Variants in CACNA1A observed in about 807,000 individuals in gnomAD.
CACNA1A encodes the protein calcium voltage-gated channel subunit alpha1 A.
A neutral mutation model predicts 262.4 loss-of-function variants in CACNA1A; 57 were observed. The observed-to-expected ratio is 0.22, with a 90% CI of 0.18 to 0.27. The LOEUF (loss-of-function observed/expected upper bound fraction) is 0.27. Ranked by LOEUF, CACNA1A falls within the 10% of genes least tolerant of loss-of-function variation. The pLI, the probability that CACNA1A is intolerant of heterozygous loss-of-function variation, is 1.00. For missense variants in CACNA1A, 2,526 were observed against 3,562.8 expected, an observed-to-expected ratio of 0.71 and a Z score of 7.41; for synonymous variants, 1,431 against 1,419.3, an observed-to-expected ratio of 1.01 and a Z score of -0.18.
chr19:13,245,556 T>G, intron 30 of CACNA1A: 1 of 409,248 alleles, frequency 2.4e-6, no homozygotes. Flanking sequence ...GGCCTGTCTC[T>G]CCAGCATTTT....
At chr19:13,438,438 G>T (rs1453346670) in intron 3 of CACNA1A, among the ~76,000 whole-genome samples, 1 of 152,228 alleles carries the variant, frequency 6.6e-6, no homozygotes, top group Non-Finnish European at 1.5e-5. Flanking sequence ...GCTGCCACGT[G>T]AACTAGCTCA....
intron 1 of CACNA1A, among the ~76,000 whole-genome samples, chr19:13,464,255 C>A (rs546495895): frequency 1.3e-5 from 2 of 152,176 alleles, no homozygotes; most frequent in Non-Finnish European, 2.9e-5. Flanking sequence ...GAAAACTAGC[C>A]AGGCATGTTG....
rs372275167 is a variant in CACNA1A, at chr19:13,317,122, G to A, written c.1545C>T (p.Ser515=). 118 of 1,605,124 alleles carry A rather than the reference G, an allele frequency of 7.4e-5. No individual in the cohort carries two copies. The East Asian group carries it at 1.1e-3, about 16-fold the overall frequency. The change falls in exon 11 of 47, where the codon TCC becomes TCT. Residue 515 remains serine, a synonymous_variant. Coordinates refer to ENST00000360228, the MANE Select transcript of CACNA1A (RefSeq NM_001127222.2). ...IVHYNQPEWL[S]DFLYYAEFIF... Reference sequence around the variant, plus strand: ...CTGGGTGATACTCACAAAGGAAGTCGGAGAGCCACTCGGGCTGGTTGTAGT... The same window carrying A: ...CTGGGTGATACTCACAAAGGAAGTCAGAGAGCCACTCGGGCTGGTTGTAGT...
intron 24 of CACNA1A, among the ~76,000 whole-genome samples, chr19:13,268,072 G>A (rs1181709873): frequency 6.6e-6 from 1 of 152,006 alleles, no homozygotes; most frequent in Non-Finnish European, 1.5e-5. Context: ...GCAAGACTCT[G>A]TCTCTTAAAA....
chr19:13,334,863 A>G (rs2058536250), intron 7 of CACNA1A, among the ~76,000 whole-genome samples: 1 of 151,856 alleles, frequency 6.6e-6, no homozygotes, highest in Non-Finnish European at 1.5e-5. Flanking sequence ...AGTGGGCCCC[A>G]TCTCTATGAA....
Position 13,207,780 on chromosome 19 carries a change from C to A in CACNA1A, c.7054G>T (p.Asp2352Tyr). The A allele has an allele frequency of 7.2e-7, 1 of 1,389,542 alleles. No homozygotes were observed. Among genetic ancestry groups the A allele is most frequent in the Non-Finnish European group, 9.3e-7 (1 of 1,079,984 alleles). The allele number at this position is 1,389,542 out of a possible 1,614,324, so 86.1% of individuals were successfully genotyped here. ...CTGTGGCCCCCCGTGGGCGGCCGAT[C>A]TCCGGCCAGAGGCTCGGCCGTGGGG... Reference protein sequence around the residue: ...PGPTAEPLAGDRPPTGGHSSG... With the variant: ...PGPTAEPLAGYRPPTGGHSSG... Residue 2352 changes from aspartate to tyrosine, a missense_variant, in exon 47 of 47, where the codon GAT (aspartate) becomes TAT (tyrosine). Physicochemically the swap from Asp to Tyr is radical, Grantham distance 160 (BLOSUM62 -3). This residue lies in a region of CACNA1A where 929 missense variants were observed against 868.1 expected (regional missense o/e 1.07). Transcript: ENST00000360228. This position sits in a 1 kb window ranked among gnomAD's most constrained non-coding sequence, Gnocchi z 5.7.
intron 3 of CACNA1A, among the ~76,000 whole-genome samples, chr19:13,412,005 C>T (rs934087495): frequency 1.3e-5 from 2 of 150,328 alleles, no homozygotes; most frequent in African/African-American, 2.5e-5. Context: ...TGTGACCCAC[C>T]GTGCCTGGCC....
chr19:13,393,792 T>TC, intron 3 of CACNA1A, among the ~76,000 whole-genome samples: 1 of 93,430 alleles, frequency 1.1e-5, no homozygotes, highest in Non-Finnish European at 2.3e-5. Context: ...CTTCCTTCCT[T>TC]CCTTCCCTCC....
intron 22 of CACNA1A, among the ~76,000 whole-genome samples, chr19:13,278,989 T>C (rs1292516040): frequency 1.3e-5 from 2 of 152,050 alleles, no homozygotes; most frequent in Admixed American, 1.3e-4. Context: ...GGGCACAGCC[T>C]GGTCAAAGGC....
intron 36 of CACNA1A, chr19:13,228,894 G>T: frequency 1.7e-6 from 1 of 594,542 alleles, no homozygotes; most frequent in Non-Finnish European, 3.0e-6. Flanking sequence ...GGTGTCCCTG[G>T]CTTGAAGGAG....
At chr19:13,478,565 C>A (rs937330330) in intron 1 of CACNA1A, among the ~76,000 whole-genome samples, 1 of 152,176 alleles carries the variant, frequency 6.6e-6, no homozygotes, top group African/African-American at 2.4e-5. Context: ...GATCCTCCTA[C>A]CTCGGCTTCC....
intron 22 of CACNA1A, among the ~76,000 whole-genome samples, chr19:13,281,784 T>A (rs2057298895): frequency 6.6e-6 from 1 of 152,180 alleles, no homozygotes; most frequent in African/African-American, 2.4e-5. Context: ...AGTGTTCTTG[T>A]AGAGAAGTTT....
chr19:13,275,163 A>C (rs1213626140), intron 24 of CACNA1A: 1 of 151,808 alleles, frequency 6.6e-6, no homozygotes, highest in Non-Finnish European at 1.5e-5. Context: ...ACCATCTAAG[A>C]ATGACCACCC....
At chr19:13,448,212 C>T (rs752249224) in intron 3 of CACNA1A, among the ~76,000 whole-genome samples, 2 of 152,120 alleles carry the variant, frequency 1.3e-5, no homozygotes, top group Admixed American at 6.5e-5. Context: ...TGCAGGAACA[C>T]GGACGGAGCT....
At chr19:13,431,608 T>C (rs1408049258) in intron 3 of CACNA1A, among the ~76,000 whole-genome samples, 2 of 152,076 alleles carry the variant, frequency 1.3e-5, no homozygotes, top group African/African-American at 2.4e-5. Context: ...ATAGCCAAGA[T>C]GCAGGTACAA....
chr19:13,438,218 CACAG>C (rs2060647648), intron 3 of CACNA1A, among the ~76,000 whole-genome samples: 1 of 152,192 alleles, frequency 6.6e-6, no homozygotes, highest in Non-Finnish European at 1.5e-5. Flanking sequence ...TCTGAGGGCC[CACAG>C]AAGTCAGGGC....
In CACNA1A at chr19:13,251,276, A is replaced by G. The variant is rs191902916; in HGVS notation, c.4866+1715T>C. Among the ~76,000 whole-genome samples the G allele has an allele frequency of 2.8e-4, 42 of 151,480 alleles. No homozygotes were observed. The East Asian group carries it at 7.1e-3, about 25-fold the overall frequency. On this transcript the variant is annotated intron_variant, in intron 30 of 46. Transcript: ENST00000360228. The stretch of plus-strand genomic sequence containing the variant: ...AGGCGGGCGGATCATGAGGTCAGGA[A>G]ATCAAGACCATCCTGGCCAACATGG...
intron 1 of CACNA1A, among the ~76,000 whole-genome samples, chr19:13,494,288 T>A (rs1396807723): frequency 1.3e-5 from 2 of 152,342 alleles, no homozygotes; most frequent in Admixed American, 1.3e-4. Context: ...TTTTATATTC[T>A]TTTTTGTACA....
At chr19:13,329,194 C>T (rs1327332798) in intron 10 of CACNA1A, among the ~76,000 whole-genome samples, 1 of 152,128 alleles carries the variant, frequency 6.6e-6, no homozygotes. Context: ...GTTCCCTCCT[C>T]CCTCGAACTC....
Sources: allele counts gnomAD v4.1 joint callset (sites outside exome capture counted in the v4.1 genomes callset), GRCh38; gene constraint gnomAD v4.1.1; regional missense constraint gnomAD v4.1.1; non-coding constraint Gnocchi (gnomAD v3.1); transcripts MANE v1.5; gene names NCBI Gene and HGNC (gene_info 2026-07-23, HGNC 2026-07-21).